The following B4GALT2 variants were observed in gnomAD, a reference collection of about 807,000 sequenced individuals.
B4GALT2 encodes N-acetyllactosamine synthase.
In B4GALT2, 18 loss-of-function variants were observed where a neutral mutation model predicts 33.2. The observed-to-expected ratio is 0.54, with a 90% CI of 0.38 to 0.80. The LOEUF is 0.80. Ranked by LOEUF, B4GALT2 falls within the 30% of genes least tolerant of loss-of-function variation. B4GALT2 has a pLI of 0.00. For missense variants in B4GALT2, 404 were observed against 526.2 expected (o/e 0.77, Z 2.27); for synonymous variants, 214 against 217.6 (o/e 0.98, Z 0.15).
At position 43,980,410 on chromosome 1, in the gene B4GALT2, C is replaced by T. The variant is rs533385708; in HGVS notation, c.-52-699C>T. 11 of 405,782 alleles carry T rather than the reference C, an allele frequency of 2.7e-5. No homozygotes were observed. The South Asian group carries it at 8.1e-4, about 30-fold the overall frequency. The allele number at this position is 405,782 out of a possible 1,614,324, so 25.1% of individuals were successfully genotyped here. The stretch of plus-strand genomic sequence containing the variant: ...GTGAGGGGTGTCCCCTGCCTTGCCC[C>T]GTATTTTGACGTTTTGCTCCAGTGG... On this transcript the variant is annotated intron_variant, in intron 1 of 6. Transcript: ENST00000372324.
chr1:43,988,609 G>T (rs1032069448), intron 6 of B4GALT2, among the ~76,000 whole-genome samples: 2 of 152,080 alleles, frequency 1.3e-5, no homozygotes, highest in African/African-American at 2.4e-5. Context: ...GGCAGAGGTT[G>T]CAGTGAGCTG....
Position 43,985,319 on chromosome 1 carries a change from G to A in B4GALT2, c.782G>A (p.Ser261Asn), listed in dbSNP as rs1326662262. 2 of 1,613,274 alleles carry A rather than the reference G, an allele frequency of 1.2e-6. No homozygotes were observed. The highest frequency in any genetic ancestry group is 3.3e-5 in the Admixed American group (2 of 59,930). The change falls in exon 5 of 7, where the codon AGT becomes AAT. Residue 261 changes from serine (S) to asparagine (N), a missense_variant. Ser to Asn is a conservative substitution (Grantham distance 46). Coordinates refer to ENST00000372324, the MANE Select transcript of B4GALT2 (RefSeq NM_003780.5). ...AGYFGGVSGLSKAQFLRINGF... is the reference protein window; with the variant it reads ...AGYFGGVSGLNKAQFLRINGF... ...TACTTTGGAGGTGTGTCAGGCCTGA[G>A]TAAGGCTCAGTTTCTGAGAATCAAT...
At chr1:43,985,433 T>TGGG (rs753945497) in intron 5 of B4GALT2, 33 bp downstream of exon 5, 13 of 143,534 alleles carry the variant, frequency 9.1e-5, no homozygotes, top group Non-Finnish European at 1.1e-4. Context: ...ATAGGCTGGG[T>TGGG]GGGGGGGGGA....
At position 43,981,935 on chromosome 1, in the gene B4GALT2, G is replaced by A. The variant is rs761969147; in HGVS notation, c.549+11G>A. On this transcript the variant is annotated intron_variant, in intron 3 of 6. Coordinates refer to ENST00000372324, the MANE Select transcript of B4GALT2 (RefSeq NM_003780.5). This position sits in a 1 kb window ranked among gnomAD's most constrained non-coding sequence, Gnocchi z 8.1. Reference sequence around the variant, plus strand: ...TATGTCATCAACCAGGTGCCCATGCGGGGGTCCATGTGCCTGTTGGTGTAT... The same window carrying A: ...TATGTCATCAACCAGGTGCCCATGCAGGGGTCCATGTGCCTGTTGGTGTAT... The A allele has an allele frequency of 1.3e-5, 21 of 1,612,100 alleles. No individual in the cohort carries two copies. The highest frequency in any genetic ancestry group is 8.9e-5 in the East Asian group (4 of 44,882).
Position 43,979,772 on chromosome 1 carries a change from G to A in B4GALT2, c.-53+261G>A, listed in dbSNP as rs1382591248. The stretch of plus-strand genomic sequence containing the variant: ...TGGCGCGGGGAGGCGTTCCATACAC[G>A]TTTCCCCTTGGCCTTTGCCTCATCC... On this transcript the variant is annotated intron_variant, in intron 1 of 6. Coordinates refer to ENST00000372324, the MANE Select transcript of B4GALT2 (RefSeq NM_003780.5). The surrounding 1 kb of genome is among the most constrained non-coding windows in gnomAD (Gnocchi z 4.8). The A allele has an allele frequency of 4.2e-6, 2 of 470,760 alleles. No homozygotes were observed. The highest frequency in any genetic ancestry group is 7.6e-6 in the Non-Finnish European group (2 of 262,786). 29.2% of individuals were successfully genotyped at this position (470,760 alleles called of 1,614,324 possible).
At chr1:43,985,862 C>T (rs1279216336) in intron 6 of B4GALT2, 2 of 580,568 alleles carry the variant, frequency 3.4e-6, no homozygotes, top group Non-Finnish European at 3.1e-6. Context: ...TATCTCTGAC[C>T]TCTGGCCTGA....
In B4GALT2 at chr1:43,979,650, G is replaced by C. The variant is rs894307171; in HGVS notation, c.-53+139G>C. 9 of 193,786 alleles carry C rather than the reference G, an allele frequency of 4.6e-5. No individual in the cohort carries two copies. Among genetic ancestry groups the C allele is most frequent in the African/African-American group, 9.4e-5 (4 of 42,520 alleles). The allele number at this position is 193,786 out of a possible 1,614,324, so 12.0% of individuals were successfully genotyped here. On this transcript the variant is annotated intron_variant, in intron 1 of 6. Transcript: ENST00000372324. The surrounding 1 kb of genome is among the most constrained non-coding windows in gnomAD (Gnocchi z 4.8). ...GGCGCCGGCGGCCAGACCCCGGCCT[G>C]GCTGCCCCCACCCCGCCCCCACTCC...
Position 43,982,006 on chromosome 1 carries a change from A to G in B4GALT2, c.549+82A>G. 1 of 1,397,470 alleles carries G rather than the reference A, an allele frequency of 7.2e-7. No homozygotes were observed. The highest frequency in any genetic ancestry group is 1.9e-5 in the Admixed American group (1 of 53,748). The allele number at this position is 1,397,470 out of a possible 1,614,324, so 86.6% of individuals were successfully genotyped here. A position where few individuals can be genotyped will look rare whatever the true frequency, so the allele number is the denominator to read the frequency against. On this transcript the variant is annotated intron_variant, in intron 3 of 6. Transcript: ENST00000372324. This position sits in a 1 kb window ranked among gnomAD's most constrained non-coding sequence, Gnocchi z 4.3. ...TGTGGGTCCTTGTCTGCCCGTGTGGATATGTGGATGGACCTGGGCGTGGGT... is the reference window on the plus strand; with the variant it reads ...TGTGGGTCCTTGTCTGCCCGTGTGGGTATGTGGATGGACCTGGGCGTGGGT...
At position 43,981,019 on chromosome 1, in the gene B4GALT2, CG is replaced by C; in HGVS notation, c.-52-89del. 19 of 1,436,468 alleles carry C rather than the reference CG, an allele frequency of 1.3e-5. No individual in the cohort carries two copies. The highest frequency in any genetic ancestry group is 1.7e-5 in the Non-Finnish European group (18 of 1,089,932). The allele number at this position is 1,436,468 out of a possible 1,614,324, so 89.0% of individuals were successfully genotyped here. On this transcript the variant is annotated intron_variant, in intron 1 of 6. Coordinates refer to ENST00000372324, the MANE Select transcript of B4GALT2 (RefSeq NM_003780.5). This position sits in a 1 kb window ranked among gnomAD's most constrained non-coding sequence, Gnocchi z 8.1. ...GCAGGTCAGTGTGAGGTGTGGCCCA[CG>C]AGTGTGAGCAGCTGAGTGGGAGGTA...
chr1:43,989,288 G>T (rs2085695428), intron 6 of B4GALT2, among the ~76,000 whole-genome samples: 1 of 147,078 alleles, frequency 6.8e-6, no homozygotes, highest in East Asian at 2.0e-4. Flanking sequence ...GGAGGGTGCA[G>T]TGAGCCGAGG....
At position 43,979,885 on chromosome 1, in the gene B4GALT2, C is replaced by A. The variant is rs945920184; in HGVS notation, c.-53+374C>A. The stretch of plus-strand genomic sequence containing the variant: ...CCGTCCGCGGGTGCCACGTGTTCAG[C>A]CTGCCAGCCCCGCCCAAACGCACCC... On this transcript the variant is annotated intron_variant, in intron 1 of 6. Coordinates refer to ENST00000372324, the MANE Select transcript of B4GALT2 (RefSeq NM_003780.5). This position sits in a 1 kb window ranked among gnomAD's most constrained non-coding sequence, Gnocchi z 4.8. 236 of 1,108,618 alleles carry A rather than the reference C, an allele frequency of 2.1e-4. No homozygotes were observed. Among genetic ancestry groups the A allele is most frequent in the Non-Finnish European group, 3.4e-5 (27 of 785,744 alleles). 68.7% of individuals were successfully genotyped at this position (1,108,618 alleles called of 1,614,324 possible).
In B4GALT2 at chr1:43,990,483, G is replaced by T. The variant is rs942629998; in HGVS notation, c.*35G>T. On this transcript the variant is annotated 3_prime_UTR_variant, in exon 7 of 7. Transcript: ENST00000372324. ...ACAGAGGCTCTCGGTGCCGAAGATT[G>T]CCTGCCAGAGGACTGACCACAGCCT... The T allele has an allele frequency of 6.2e-7, 1 of 1,612,630 alleles. No individual in the cohort carries two copies. Among genetic ancestry groups the T allele is most frequent in the Non-Finnish European group, 8.5e-7 (1 of 1,179,638 alleles).
At chr1:43,980,131 T>TGG in intron 1 of B4GALT2, 3 of 1,364,290 alleles carry the variant, frequency 2.2e-6, no homozygotes, top group Non-Finnish European at 2.9e-6. Flanking sequence ...GGTGACCAGC[T>TGG]GGGACCAGGG....
chr1:43,990,710 ACT>A lies in B4GALT2; in HGVS notation c.*263_*264del. ...CCCTCCCCCTAGCCCAGCCCCAGTC[ACT>A]GTCAGGGTCGGGCCAGCCCCTGCAC... On this transcript the variant is annotated 3_prime_UTR_variant, in exon 7 of 7. Transcript: ENST00000372324. 1.9e-6 allele frequency: 1 copy of A among 513,168 alleles called. No individual in the cohort carries two copies. Among genetic ancestry groups the A allele is most frequent in the Non-Finnish European group, 3.5e-6 (1 of 284,224 alleles). The allele number at this position is 513,168 out of a possible 1,614,324, so 31.8% of individuals were successfully genotyped here.
Position 43,984,993 on chromosome 1 carries a change from C to A in B4GALT2, c.678C>A (p.Asn226Lys), listed in dbSNP as rs748526878. The change falls in exon 4 of 7, where the codon AAC (asparagine) becomes AAA (lysine). Residue 226 changes from asparagine (N) to lysine (K), a missense_variant. Coordinates refer to ENST00000372324, the MANE Select transcript of B4GALT2 (RefSeq NM_003780.5). The surrounding 1 kb of genome is among the most constrained non-coding windows in gnomAD (Gnocchi z 5.6). ...ACCTGGTCCCCATGGATGACCGCAA[C>A]CTATACCGCTGCGGCGACCAACCCC... ...DVDLVPMDDR[N>K]LYRCGDQPRH... 6.2e-7 allele frequency: 1 copy of A among 1,613,766 alleles called. No homozygotes were observed.
At position 43,985,006 on chromosome 1, in the gene B4GALT2, G is replaced by A. The variant is rs369454104; in HGVS notation, c.691G>A (p.Gly231Ser). The A allele has an allele frequency of 9.2e-5, 148 of 1,612,804 alleles. No homozygotes were observed. Among genetic ancestry groups the A allele is most frequent in the Non-Finnish European group, 1.1e-4 (135 of 1,179,914 alleles). Residue 231 changes from glycine (G) to serine (S), a missense_variant, in exon 4 of 7, where the codon GGC becomes AGC. Gly to Ser is a moderately conservative substitution (Grantham distance 56). Coordinates refer to ENST00000372324, the MANE Select transcript of B4GALT2 (RefSeq NM_003780.5). ...GGATGACCGCAACCTATACCGCTGCGGCGACCAACCCCGCCACTTTGCCAT... is the reference window on the plus strand; with the variant it reads ...GGATGACCGCAACCTATACCGCTGCAGCGACCAACCCCGCCACTTTGCCAT... ...PMDDRNLYRC[G>S]DQPRHFAIAM...
At chr1:43,988,029 C>T (rs1395621062) in intron 6 of B4GALT2, among the ~76,000 whole-genome samples, 1 of 152,210 alleles carries the variant, frequency 6.6e-6, no homozygotes, top group Non-Finnish European at 1.5e-5. Flanking sequence ...AGGACCCCAC[C>T]TGTCATGGCC....
Position 43,990,534 on chromosome 1 carries a change from C to T in B4GALT2, c.*86C>T, listed in dbSNP as rs2085718906. The T allele has an allele frequency of 6.5e-7, 1 of 1,547,926 alleles. No homozygotes were observed. Among genetic ancestry groups the T allele is most frequent in the Non-Finnish European group, 8.8e-7 (1 of 1,131,066 alleles). ...GGCTGGCAGCTGCTCTGTGGAGGAC[C>T]TCCAGGACTGAGACTGGGCTCTGTT... is the stretch of plus-strand genomic sequence containing the variant. On this transcript the variant is annotated 3_prime_UTR_variant, in exon 7 of 7. Coordinates refer to ENST00000372324, the MANE Select transcript of B4GALT2 (RefSeq NM_003780.5).
At chr1:43,985,447 G>GTTCAGACT in intron 5 of B4GALT2, 47 bp downstream of exon 5, 1 of 860,478 alleles carries the variant, frequency 1.2e-6, no homozygotes, top group Non-Finnish European at 1.8e-6. Flanking sequence ...GGGGGGAGGG[G>GTTCAGACT]GGGTGCAGAC....
Sources: gnomAD v4.1 joint callset for allele counts (sites outside exome capture counted in the v4.1 genomes callset) on GRCh38, gnomAD v4.1.1 for gene constraint, Gnocchi (gnomAD v3.1) non-coding constraint, MANE v1.5 for transcripts, NCBI Gene and HGNC (gene_info 2026-07-23, HGNC 2026-07-21) for gene names.